Variants in MORC3 observed in about 807,000 individuals in gnomAD.
MORC3 encodes MORC family CW-type zinc finger protein 3.
Under a neutral mutation model 109.1 loss-of-function variants are expected in MORC3, and 31 were observed. That is an observed-to-expected ratio of 0.28 (90% CI 0.21 to 0.38). MORC3 has a LOEUF of 0.38. Ranked by LOEUF, MORC3 falls within the 10% of genes least tolerant of loss-of-function variation. The pLI, the probability that MORC3 is intolerant of heterozygous loss-of-function variation, is 1.00. For synonymous variants in MORC3, 395 were observed against 380.7 expected (o/e 1.04, Z -0.44); for missense variants, 867 against 1,135.8 (o/e 0.76, Z 3.40).
chr21:36,320,321 G>T lies in MORC3; in HGVS notation c.39+18G>T, dbSNP rs770045384. The T allele has an allele frequency of 1.3e-6, 2 of 1,510,954 alleles. No individual in the cohort carries two copies. The highest frequency in any genetic ancestry group is 1.4e-5 in the African/African-American group (1 of 70,430). 93.6% of individuals were successfully genotyped at this position (1,510,954 alleles called of 1,614,324 possible). On this transcript the variant is annotated intron_variant, in intron 1 of 16. Transcript: ENST00000400485. ...TCAGCGCGGTGAGCAGCCGCGAGGG[G>T]TGGAGCGGGCCGTGTCCCAGGAGGG...
intron 15 of MORC3, among the ~76,000 whole-genome samples, chr21:36,372,072 C>A (rs2085875671): frequency 6.6e-6 from 1 of 152,076 alleles, no homozygotes; most frequent in Non-Finnish European, 1.5e-5. Flanking sequence ...CTCAGCCTCC[C>A]AAAGTGCTGG....
chr21:36,321,002 C>T (rs973866507), intron 1 of MORC3, among the ~76,000 whole-genome samples: 11 of 152,200 alleles, frequency 7.2e-5, no homozygotes, highest in Admixed American at 5.9e-4. Context: ...GTGGGCGTGG[C>T]TTCCCCACCT....
intron 2 of MORC3, among the ~76,000 whole-genome samples, chr21:36,335,633 A>G (rs2085367947): frequency 6.6e-6 from 1 of 152,042 alleles, no homozygotes. Flanking sequence ...TCATTTTTAA[A>G]CGTATTTCTT....
chr21:36,339,939 T>A (rs563315991), intron 5 of MORC3, among the ~76,000 whole-genome samples: 1 of 152,304 alleles, frequency 6.6e-6, no homozygotes, highest in South Asian at 2.1e-4. Context: ...AATAGAGAGA[T>A]GTTAGGTACA....
chr21:36,359,516 G>A (rs1389068314), intron 10 of MORC3, among the ~76,000 whole-genome samples: 2 of 149,446 alleles, frequency 1.3e-5, no homozygotes, highest in African/African-American at 2.5e-5. Flanking sequence ...ACCGTGCCTT[G>A]CCTTGCCTTT....
At chr21:36,333,526 C>A in intron 1 of MORC3, 120 bp from the exon 2 acceptor site, 2 of 741,782 alleles carry the variant, frequency 2.7e-6, no homozygotes, top group South Asian at 1.6e-5. Context: ...TATCCTGGAG[C>A]AAGCAGCTAA....
At chr21:36,359,141 A>G (rs1256676094) in intron 10 of MORC3, among the ~76,000 whole-genome samples, 2 of 152,240 alleles carry the variant, frequency 1.3e-5, no homozygotes, top group Non-Finnish European at 2.9e-5. Flanking sequence ...ATGCTAATAA[A>G]TACAATATAT....
chr21:36,369,652 A>G lies in MORC3; in HGVS notation c.2284A>G (p.Lys762Glu), dbSNP rs1213162959. 6 of 1,614,110 alleles carry G rather than the reference A, an allele frequency of 3.7e-6. No homozygotes were observed. The East Asian group carries it at 1.3e-4, about 36-fold the overall frequency. The change falls in exon 15 of 17, where the codon AAA (lysine) becomes GAA (glutamate). Residue 762 changes from lysine (K) to glutamate (E), a missense_variant. Lys to Glu is a moderately conservative substitution (Grantham distance 56). Transcript: ENST00000400485. The stretch of plus-strand genomic sequence containing the variant: ...ATTTTTACTTGAAAGTATTAATGGC[A>G]AATCTGAAAGTCCAGACCATATGGT... ...AVFLLESINGKSESPDHMVSQ... is the reference protein window; with the variant it reads ...AVFLLESINGESESPDHMVSQ...
At position 36,323,787 on chromosome 21, in the gene MORC3, G is replaced by A. The variant is rs139980439; in HGVS notation, c.39+3484G>A. Among the ~76,000 whole-genome samples, 548 of 151,826 alleles carry A rather than the reference G, an allele frequency of 3.6e-3. 3 individuals are homozygous for A. The highest frequency in any genetic ancestry group is 0.012 in the African/African-American group (502 of 41,426). ...CTTACTTATTTTGACAATTTTCTTC[G>A]CACCATTTTTCTCTTTTTTTATTTA... On this transcript the variant is annotated intron_variant, in intron 1 of 16. Coordinates refer to ENST00000400485, the MANE Select transcript of MORC3 (RefSeq NM_015358.3).
intron 13 of MORC3, among the ~76,000 whole-genome samples, chr21:36,363,678 T>C (rs1194135232): frequency 2.0e-5 from 3 of 152,242 alleles, no homozygotes; most frequent in Admixed American, 1.3e-4. Flanking sequence ...GTATTGCTTT[T>C]GCACCATCAT....
At position 36,327,622 on chromosome 21, in the gene MORC3, AACTG is replaced by A. The variant is rs1230579313; in HGVS notation, c.40-6017_40-6014del. On this transcript the variant is annotated intron_variant, in intron 1 of 16. Coordinates refer to ENST00000400485, the MANE Select transcript of MORC3 (RefSeq NM_015358.3). ...TCAAAGTTAAAAACAATAGATAAAT[AACTG>A]ACTGACATTAGGTTACTTTTTGTTG... is the stretch of plus-strand genomic sequence containing the variant. 9.0e-4 allele frequency among the ~76,000 whole-genome samples: 137 copies of A among 151,440 alleles called. 6 individuals are homozygous for A. Among genetic ancestry groups the A allele is most frequent in the African/African-American group, 3.2e-3 (130 of 40,764 alleles).
At chr21:36,371,214 GT>G (rs2146343825) in intron 15 of MORC3, among the ~76,000 whole-genome samples, 1 of 152,272 alleles carries the variant, frequency 6.6e-6, no homozygotes, top group African/African-American at 2.4e-5. Flanking sequence ...GCTAAAAAGA[GT>G]TTGGGAACCA....
chr21:36,329,021 G>A (rs561723821), intron 1 of MORC3, among the ~76,000 whole-genome samples: 4 of 152,270 alleles, frequency 2.6e-5, no homozygotes, highest in African/African-American at 9.6e-5. Context: ...GGCCGGGCAG[G>A]GTGGCTCATG....
chr21:36,333,514 T>A, intron 1 of MORC3, 132 bp from the exon 2 acceptor site: 1 of 680,768 alleles, frequency 1.5e-6, no homozygotes, highest in Non-Finnish European at 2.6e-6. Flanking sequence ...ATCTTCCAGA[T>A]GTATCCTGGA....
intron 15 of MORC3, among the ~76,000 whole-genome samples, chr21:36,370,635 ATATATTTTTTTTTTTTTTTTT>A (rs1278778039): frequency 7.1e-5 from 3 of 42,004 alleles, no homozygotes; most frequent in African/African-American, 1.8e-4. Context: ...ATATATATAT[ATATATTTTTTTTTTTTTTTTT>A]TTTTTTTTTT....
chr21:36,322,020 A>G (rs1423788595), intron 1 of MORC3, among the ~76,000 whole-genome samples: 1 of 152,040 alleles, frequency 6.6e-6, no homozygotes, highest in Admixed American at 6.6e-5. Context: ...ACTGACAGAA[A>G]TCTCCCATCT....
At chr21:36,347,134 A>G (rs910506611) in intron 8 of MORC3, among the ~76,000 whole-genome samples, 1 of 152,002 alleles carries the variant, frequency 6.6e-6, no homozygotes, top group Non-Finnish European at 1.5e-5. Context: ...ATATGGATCC[A>G]TTGCATATTT....
At position 36,349,301 on chromosome 21, in the gene MORC3, A is replaced by AT; in HGVS notation, c.1006-4dup. On this transcript the variant is annotated splice_polypyrimidine_tract_variant and intron_variant, in intron 8 of 16. Coordinates refer to ENST00000400485, the MANE Select transcript of MORC3 (RefSeq NM_015358.3). Reference sequence around the variant, plus strand: ...ATGCTTAAAATGCTGATTTCATTTTATTTTTTCAGGCAAACAACATGGGTG... The same window carrying AT: ...ATGCTTAAAATGCTGATTTCATTTTATTTTTTTCAGGCAAACAACATGGGTG... 1.9e-6 allele frequency: 3 copies of AT among 1,594,144 alleles called. No homozygotes were observed. Among genetic ancestry groups the AT allele is most frequent in the Admixed American group, 1.8e-5 (1 of 56,938 alleles).
intron 5 of MORC3, among the ~76,000 whole-genome samples, chr21:36,340,229 G>C (rs2085426054): frequency 6.8e-6 from 1 of 148,024 alleles, no homozygotes. Flanking sequence ...AGTGAGCCGA[G>C]ATAGCACCAC....
Sources: allele counts gnomAD v4.1 joint callset (sites outside exome capture counted in the v4.1 genomes callset), GRCh38; gene constraint gnomAD v4.1.1; transcripts MANE v1.5; gene names NCBI Gene and HGNC (gene_info 2026-07-23, HGNC 2026-07-21).